R3HCC1L: variants seen among roughly 807,000 people sequenced by gnomAD.
R3HCC1L encodes the protein coiled-coil domain-containing protein R3HCC1L.
In R3HCC1L, 51 loss-of-function variants were observed where a neutral mutation model predicts 59.9. The observed-to-expected ratio is 0.85, with a 90% CI of 0.68 to 1.07. R3HCC1L has a LOEUF of 1.07. Ranked by LOEUF, R3HCC1L falls within the 50% of genes least tolerant of loss-of-function variation. The pLI is 0.00. For synonymous variants in R3HCC1L, 322 were observed against 315.2 expected, an observed-to-expected ratio of 1.02 and a Z score of -0.23; for missense variants, 965 against 933.0, an observed-to-expected ratio of 1.03 and a Z score of -0.45.
intron 5 of R3HCC1L, among the ~76,000 whole-genome samples, chr10:98,229,320 C>T (rs1002929244): frequency 2.6e-5 from 4 of 152,040 alleles, no homozygotes; most frequent in Non-Finnish European, 5.9e-5. Flanking sequence ...AAGTTGGGTT[C>T]CTGGGTATTT....
At chr10:98,184,435 C>G (rs1228190944) in intron 4 of R3HCC1L, among the ~76,000 whole-genome samples, 2 of 152,118 alleles carry the variant, frequency 1.3e-5, no homozygotes, top group Admixed American at 6.5e-5. Context: ...CTACAGTATT[C>G]AGTACAGTAA....
At chr10:98,233,998 C>T (rs1426089258) in intron 6 of R3HCC1L, among the ~76,000 whole-genome samples, 3 of 152,122 alleles carry the variant, frequency 2.0e-5, no homozygotes, top group African/African-American at 7.2e-5. Context: ...ATTCTCTTCT[C>T]TTTCTGTCTC....
chr10:98,152,005 C>G (rs918588966), intron 1 of R3HCC1L, among the ~76,000 whole-genome samples: 1 of 152,014 alleles, frequency 6.6e-6, no homozygotes, highest in African/African-American at 2.4e-5. Flanking sequence ...GATGCCGAGC[C>G]GAAGCTGGAC....
At chr10:98,180,827 A>T (rs1276850241) in intron 4 of R3HCC1L, among the ~76,000 whole-genome samples, 2 of 151,774 alleles carry the variant, frequency 1.3e-5, no homozygotes, top group African/African-American at 4.8e-5. Flanking sequence ...GTCTCTTTTG[A>T]TCTTTGTTGG....
intron 4 of R3HCC1L, among the ~76,000 whole-genome samples, chr10:98,178,846 A>G (rs1849323815): frequency 6.6e-6 from 1 of 152,190 alleles, no homozygotes; most frequent in Non-Finnish European, 1.5e-5. Context: ...GAGTTCACTC[A>G]TGATTTGGCT....
Position 98,235,534 on chromosome 10 carries a change from C to T in R3HCC1L, c.2128+14C>T. Reference sequence around the variant, plus strand: ...GAGCTTATGCTGGTGAGTCTATAATCTCTGGGTTTTTTTCTTGCTGATGGT... The same window carrying T: ...GAGCTTATGCTGGTGAGTCTATAATTTCTGGGTTTTTTTCTTGCTGATGGT... On this transcript the variant is annotated intron_variant, in intron 8 of 9. Coordinates refer to ENST00000298999, the MANE Select transcript of R3HCC1L (RefSeq NM_001351015.2). 1 of 1,587,288 alleles carries T rather than the reference C, an allele frequency of 6.3e-7. No individual in the cohort carries two copies. Among genetic ancestry groups the T allele is most frequent in the Non-Finnish European group, 8.6e-7 (1 of 1,166,816 alleles).
At position 98,183,285 on chromosome 10, in the gene R3HCC1L, C is replaced by G. The variant is rs888828561; in HGVS notation, c.-15+19888C>G. ...CTTTCAGCACTTTAGTGGTGTCTGA[C>G]TTTCAAAATTTCTGAAAGTTCTTAT... On this transcript the variant is annotated intron_variant, in intron 4 of 9. Coordinates refer to ENST00000298999, the MANE Select transcript of R3HCC1L (RefSeq NM_001351015.2). 7.4e-5 allele frequency among the ~76,000 whole-genome samples: 11 copies of G among 148,186 alleles called. No homozygotes were observed. In the South Asian group the frequency reaches 1.5e-3, roughly 20 times the overall value.
At chr10:98,241,547 G>T (rs1338175408) in intron 9 of R3HCC1L, among the ~76,000 whole-genome samples, 1 of 151,990 alleles carries the variant, frequency 6.6e-6, no homozygotes, top group Admixed American at 6.6e-5. Flanking sequence ...TTAATTCCTT[G>T]CCCTTGTGTC....
chr10:98,163,882 G>T (rs1325847140), intron 4 of R3HCC1L, among the ~76,000 whole-genome samples: 1 of 152,170 alleles, frequency 6.6e-6, no homozygotes, highest in Non-Finnish European at 1.5e-5. Flanking sequence ...AATGAAAAAA[G>T]ATAGCTGATT....
At chr10:98,194,310 T>C (rs1334049722) in intron 4 of R3HCC1L, among the ~76,000 whole-genome samples, 1 of 151,972 alleles carries the variant, frequency 6.6e-6, no homozygotes, top group African/African-American at 2.4e-5. Flanking sequence ...ATATACAAAA[T>C]TTAATTAAAA....
intron 1 of R3HCC1L, among the ~76,000 whole-genome samples, chr10:98,148,350 C>T (rs1043638592): frequency 6.6e-6 from 1 of 152,094 alleles, no homozygotes; most frequent in Non-Finnish European, 1.5e-5. Context: ...AATTGGACTT[C>T]CTCCTTTCCA....
chr10:98,134,858 C>A (rs1001849709), intron 1 of R3HCC1L, among the ~76,000 whole-genome samples, 152 bp downstream of exon 1: 1 of 152,212 alleles, frequency 6.6e-6, no homozygotes, highest in Non-Finnish European at 1.5e-5. Context: ...CGCCCCCTGC[C>A]TGGGGCGGAG....
rs755611196 is a variant in R3HCC1L at position 98,208,949 on chromosome 10, C to T, written c.835C>T (p.Gln279Ter). The change falls in exon 5 of 10, where the codon CAA (glutamine) becomes TAA (stop). Residue 279 changes from glutamine (Q) to a stop codon, truncating the protein, a stop_gained. Transcript: ENST00000298999. LOFTEE classifies it high-confidence loss of function. Reference protein sequence around the residue: ...VPGSPDGVFDQTCVDFEVESV... With the variant: ...VPGSPDGVFD ...TGGAAGTCCAGATGGTGTCTTTGAT[C>T]AAACTTGCGTAGATTTTGAAGTTGA... is the stretch of plus-strand genomic sequence containing the variant. The T allele has an allele frequency of 1.9e-6, 3 of 1,614,030 alleles. No homozygotes were observed. Among genetic ancestry groups the T allele is most frequent in the Non-Finnish European group, 1.7e-6 (2 of 1,179,942 alleles).
intron 5 of R3HCC1L, among the ~76,000 whole-genome samples, 192 bp downstream of exon 5, chr10:98,210,091 A>G (rs17109097): frequency 0.013 from 1,914 of 152,328 alleles, 43 homozygotes; most frequent in African/African-American, 0.043. Flanking sequence ...AGCTGTATCT[A>G]TAATAGCCAA....
Position 98,236,097 on chromosome 10 carries a change from T to C in R3HCC1L, c.2202T>C (p.Leu734=). The C allele has an allele frequency of 6.2e-7, 1 of 1,613,964 alleles. No individual in the cohort carries two copies. The highest frequency in any genetic ancestry group is 8.5e-7 in the Non-Finnish European group (1 of 1,179,924). Residue 734 remains leucine, a synonymous_variant, in exon 9 of 10, where the codon CTT becomes CTC. Transcript: ENST00000298999. ...ALARRLVISA[L]GVRSKQSKTE... ...CCAGAAGGTTAGTCATCAGTGCCCT[T>C]GGGGTTCGAAGTAAGCAGAGCAAAA...
Position 98,209,914 on chromosome 10 carries a change from AATTGCTTGATGCTTAG to A in R3HCC1L, c.1785+16_1785+31del. 6.3e-7 allele frequency: 1 copy of A among 1,579,506 alleles called. No homozygotes were observed. The highest frequency in any genetic ancestry group is 8.7e-7 in the Non-Finnish European group (1 of 1,155,800). ...TTCTACAAGAGGTATGTTTAATTGA[AATTGCTTGATGCTTAG>A]TTAGTTTATAAATTAGGATTTCAGT... On this transcript the variant is annotated intron_variant, in intron 5 of 9. Transcript: ENST00000298999.
intron 4 of R3HCC1L, among the ~76,000 whole-genome samples, chr10:98,192,324 G>A (rs933583924): frequency 2.6e-5 from 4 of 151,764 alleles, no homozygotes; most frequent in African/African-American, 4.8e-5. Flanking sequence ...ATAGAAAATA[G>A]GAAAATAATA....
intron 5 of R3HCC1L, among the ~76,000 whole-genome samples, chr10:98,214,114 T>C (rs530516894): frequency 1.3e-4 from 20 of 152,376 alleles, no homozygotes; most frequent in African/African-American, 4.3e-4. Context: ...AGCTCTGTTA[T>C]ATTTGTTGCA....
intron 9 of R3HCC1L, among the ~76,000 whole-genome samples, chr10:98,239,805 C>T: frequency 6.6e-6 from 1 of 152,152 alleles, no homozygotes; most frequent in Non-Finnish European, 1.5e-5. Flanking sequence ...ATAAGGAATC[C>T]TTCCACCTCA....
Sources: gnomAD v4.1 joint callset for allele counts (sites outside exome capture counted in the v4.1 genomes callset) on GRCh38, gnomAD v4.1.1 for gene constraint, MANE v1.5 for transcripts, NCBI Gene and HGNC (gene_info 2026-07-23, HGNC 2026-07-21) for gene names.